The following RIPK1 variants were observed in gnomAD, a reference collection of about 807,000 sequenced individuals.
RIPK1 encodes receptor interacting serine/threonine kinase 1, also known as receptor-interacting serine/threonine-protein kinase 1.
In RIPK1, 27 loss-of-function variants were observed where a neutral mutation model predicts 62.4. The observed-to-expected ratio is 0.43, with a 90% CI of 0.32 to 0.60. RIPK1 has a LOEUF of 0.60. Ranked by LOEUF, RIPK1 falls within the 20% of genes least tolerant of loss-of-function variation. RIPK1 has a pLI of 0.07. For synonymous variants in RIPK1, 287 were observed against 303.2 expected (o/e 0.95, Z 0.55); for missense variants, 735 against 831.0 (o/e 0.88, Z 1.42).
At chr6:3,070,795 A>T (rs539141751) in intron 1 of RIPK1, among the ~76,000 whole-genome samples, 2 of 152,288 alleles carry the variant, frequency 1.3e-5, no homozygotes, top group East Asian at 3.9e-4. Context: ...CATTTATTTA[A>T]TATAGATGAG....
At chr6:3,079,845 C>T (rs1438094566) in intron 3 of RIPK1, among the ~76,000 whole-genome samples, 2 of 152,178 alleles carry the variant, frequency 1.3e-5, no homozygotes, top group South Asian at 2.1e-4. Flanking sequence ...CTTTGGTCTC[C>T]CATCCAAGTA....
At position 3,111,038 on chromosome 6, in the gene RIPK1, T is replaced by C. The variant is rs963014054; in HGVS notation, c.1729+83T>C. 6 of 952,262 alleles carry C rather than the reference T, an allele frequency of 6.3e-6. No individual in the cohort carries two copies. The African/African-American group carries it at 1.0e-4, about 16-fold the overall frequency. The allele number at this position is 952,262 out of a possible 1,614,324, so 59.0% of individuals were successfully genotyped here. On this transcript the variant is annotated intron_variant, in intron 10 of 10. Coordinates refer to ENST00000259808, the MANE Select transcript of RIPK1 (RefSeq NM_001354930.2). Reference sequence around the variant, plus strand: ...AAGGACATAGTGGAATCTTAAAATTTCTCTGATAATTCTTCTTGAAAGTTT... The same window carrying C: ...AAGGACATAGTGGAATCTTAAAATTCCTCTGATAATTCTTCTTGAAAGTTT...
intron 9 of RIPK1, among the ~76,000 whole-genome samples, chr6:3,108,475 G>T (rs928632510): frequency 6.6e-6 from 1 of 152,202 alleles, no homozygotes; most frequent in African/African-American, 2.4e-5. Flanking sequence ...GTAGAGAGGT[G>T]CAGGGTAAAT....
Position 3,094,994 on chromosome 6 carries a change from G to A in RIPK1, c.915+5337G>A, listed in dbSNP as rs1227630553. Among the ~76,000 whole-genome samples the A allele has an allele frequency of 2.0e-5, 3 of 152,002 alleles. No individual in the cohort carries two copies. In the South Asian group the frequency reaches 6.2e-4, roughly 32 times the overall value. ...GACTGCTTGAGCCCAGGAGTTTGAG[G>A]CTGGAGTAAGCTATGATCATGCCGC... is the stretch of plus-strand genomic sequence containing the variant. On this transcript the variant is annotated intron_variant, in intron 7 of 10. Coordinates refer to ENST00000259808, the MANE Select transcript of RIPK1 (RefSeq NM_001354930.2).
chr6:3,068,970 C>T (rs192371068), intron 1 of RIPK1: 2,164 of 152,126 alleles, frequency 0.014, 25 homozygotes, highest in African/African-American at 0.023. Context: ...GGAAGTCGGG[C>T]GGTGGGCGGG....
At chr6:3,088,996 A>C (rs970334758) in intron 6 of RIPK1, among the ~76,000 whole-genome samples, 4 of 152,208 alleles carry the variant, frequency 2.6e-5, no homozygotes, top group African/African-American at 7.2e-5. Flanking sequence ...CGTGTGTTTC[A>C]TCTGATCCCG....
At chr6:3,103,611 T>G (rs1195559713) in intron 7 of RIPK1, among the ~76,000 whole-genome samples, 1 of 152,230 alleles carries the variant, frequency 6.6e-6, no homozygotes, top group Non-Finnish European at 1.5e-5. Context: ...CTTTTCATAG[T>G]ATCCTTTGAT....
chr6:3,076,697 A>ACAT (rs34178276), intron 1 of RIPK1, 67 bp from the exon 2 acceptor site: 166,563 of 238,170 alleles, frequency 0.7, 60,646 homozygotes, highest in Admixed American at 0.76. Flanking sequence ...GAAAAAAAAA[A>ACAT]ACATATATAT....
intron 1 of RIPK1, among the ~76,000 whole-genome samples, chr6:3,073,190 T>C (rs541107901): frequency 6.6e-6 from 1 of 151,406 alleles, no homozygotes; most frequent in African/African-American, 2.4e-5. Flanking sequence ...ATATACAATA[T>C]ATGCATACAC....
intron 7 of RIPK1, among the ~76,000 whole-genome samples, chr6:3,096,780 C>T (rs1035566074): frequency 2.0e-5 from 3 of 151,214 alleles, no homozygotes; most frequent in Non-Finnish European, 2.9e-5. Flanking sequence ...AAGATGGTCT[C>T]GATCTCCCGA....
intron 3 of RIPK1, among the ~76,000 whole-genome samples, chr6:3,079,224 C>T (rs1292803603): frequency 1.3e-5 from 2 of 152,152 alleles, no homozygotes; most frequent in African/African-American, 2.4e-5. Context: ...GGATTACAGG[C>T]GCCTACCACC....
chr6:3,107,418 A>G (rs1165908277), intron 9 of RIPK1, among the ~76,000 whole-genome samples: 1 of 149,952 alleles, frequency 6.7e-6, no homozygotes, highest in Non-Finnish European at 1.5e-5. Context: ...AAAAAAAAAA[A>G]GCTGGGCATA....
intron 3 of RIPK1, 102 bp from the exon 4 acceptor site, chr6:3,080,877 A>T (rs1759340761): frequency 1.8e-6 from 2 of 1,109,404 alleles, no homozygotes; most frequent in African/African-American, 1.6e-5. Context: ...AAACCTGGTA[A>T]CCTTCTCCTC....
chr6:3,112,308 C>CAGGAG (rs1302117801), intron 10 of RIPK1, among the ~76,000 whole-genome samples: 2 of 152,088 alleles, frequency 1.3e-5, no homozygotes, highest in African/African-American at 4.8e-5. Flanking sequence ...GGGTGGTGGT[C>CAGGAG]AGGAGTTGAG....
intron 7 of RIPK1, among the ~76,000 whole-genome samples, chr6:3,100,469 A>G (rs745826820): frequency 3.9e-5 from 6 of 152,142 alleles, no homozygotes; most frequent in Non-Finnish European, 8.8e-5. Context: ...TCCTAGAGAG[A>G]GAATAAGAGT....
chr6:3,071,368 A>G (rs554968379), intron 1 of RIPK1, among the ~76,000 whole-genome samples: 5 of 152,378 alleles, frequency 3.3e-5, no homozygotes, highest in South Asian at 2.1e-4. Flanking sequence ...ATTAATTTCA[A>G]TAGAAACAAA....
At chr6:3,099,396 T>A (rs1196736057) in intron 7 of RIPK1, among the ~76,000 whole-genome samples, 1 of 151,976 alleles carries the variant, frequency 6.6e-6, no homozygotes, top group Non-Finnish European at 1.5e-5. Flanking sequence ...TACAAAAAAT[T>A]AGCCAGGCGT....
chr6:3,065,482 G>C (rs1758343272), upstream of RIPK1, among the ~76,000 whole-genome samples: 1 of 151,894 alleles, frequency 6.6e-6, no homozygotes, highest in Non-Finnish European at 1.5e-5. Context: ...ACCAGGCACA[G>C]GATCCAAAGT....
In RIPK1 at chr6:3,072,239, A is replaced by G. The variant is rs940091973; in HGVS notation, c.-61+3578A>G. Among the ~76,000 whole-genome samples, 7 of 152,230 alleles carry G rather than the reference A, an allele frequency of 4.6e-5. No individual in the cohort carries two copies. The highest frequency in any genetic ancestry group is 1.7e-4 in the African/African-American group (7 of 41,458). ...TTCAAAAAAATAATTTTAATTTTAC[A>G]TTTAATTCATGTCTATTGTGGAAAA... On this transcript the variant is annotated intron_variant, in intron 1 of 10. Transcript: ENST00000259808. This position sits in a 1 kb window ranked among gnomAD's most constrained non-coding sequence, Gnocchi z 5.6.
Sources: allele counts gnomAD v4.1 joint callset (sites outside exome capture counted in the v4.1 genomes callset), GRCh38; gene constraint gnomAD v4.1.1; non-coding constraint Gnocchi (gnomAD v3.1); transcripts MANE v1.5; gene names NCBI Gene and HGNC (gene_info 2026-07-23, HGNC 2026-07-21).